ANKRD44: variants seen among roughly 807,000 people sequenced by gnomAD.
The protein encoded by ANKRD44 is ankyrin repeat domain 44, also known as serine/threonine-protein phosphatase 6 regulatory ankyrin repeat subunit B.
A neutral mutation model predicts 116.0 loss-of-function variants in ANKRD44; 35 were observed. The ratio of observed to expected loss-of-function variants is 0.30; its 90% CI spans 0.23 to 0.40. The LOEUF (loss-of-function observed/expected upper bound fraction) is 0.40. ANKRD44 is among the 10% of genes least tolerant of loss of function. The probability of loss-of-function intolerance (pLI) is 1.00; values close to 1 mark genes in which losing one functional copy is unlikely to be tolerated. For synonymous variants in ANKRD44, 435 were observed against 461.8 expected, an observed-to-expected ratio of 0.94 and a Z score of 0.74; for missense variants, 1,014 against 1,242.6, an observed-to-expected ratio of 0.82 and a Z score of 2.77.
At chr2:197,107,007 C>T (rs1325123817) in intron 9 of ANKRD44, among the ~76,000 whole-genome samples, 1 of 151,904 alleles carries the variant, frequency 6.6e-6, no homozygotes, top group Non-Finnish European at 1.5e-5. Context: ...ATCTCTTTAC[C>T]GTTTGTCATT....
At chr2:196,977,827 G>A (rs2075771156) in intron 21 of ANKRD44, among the ~76,000 whole-genome samples, 1 of 151,994 alleles carries the variant, frequency 6.6e-6, no homozygotes, top group Non-Finnish European at 1.5e-5. Context: ...TCCACTCCTA[G>A]ATATATACAC....
chr2:197,179,628 A>ATAGC (rs1400897260), intron 2 of ANKRD44, among the ~76,000 whole-genome samples: 8 of 152,256 alleles, frequency 5.3e-5, no homozygotes, highest in Non-Finnish European at 1.0e-4. Flanking sequence ...GCTCCAAAAC[A>ATAGC]TCCATCTCTA....
chr2:197,183,985 G>A (rs572384412), intron 2 of ANKRD44, among the ~76,000 whole-genome samples: 1 of 152,226 alleles, frequency 6.6e-6, no homozygotes, highest in African/African-American at 2.4e-5. Context: ...TTTCAAAACT[G>A]CATCACAGTG....
chr2:197,035,660 G>T (rs1282167832), intron 16 of ANKRD44, among the ~76,000 whole-genome samples: 1 of 152,154 alleles, frequency 6.6e-6, no homozygotes, highest in Non-Finnish European at 1.5e-5. Flanking sequence ...TGGTGCCTGT[G>T]TCACAAAGTC....
At chr2:197,007,111 C>T (rs893138290) in intron 20 of ANKRD44, among the ~76,000 whole-genome samples, 1 of 150,324 alleles carries the variant, frequency 6.7e-6, no homozygotes, top group African/African-American at 2.4e-5. Flanking sequence ...AAAAAAAAAA[C>T]CAAACACTTC....
chr2:197,106,901 C>T (rs2078445413), intron 9 of ANKRD44, among the ~76,000 whole-genome samples: 1 of 151,188 alleles, frequency 6.6e-6, no homozygotes, highest in Non-Finnish European at 1.5e-5. Flanking sequence ...ATATAAACAG[C>T]ACCTCTAGAT....
At chr2:197,270,012 G>A (rs955489262) in intron 1 of ANKRD44, among the ~76,000 whole-genome samples, 5 of 152,156 alleles carry the variant, frequency 3.3e-5, no homozygotes, top group African/African-American at 1.2e-4. Context: ...CCCACACACT[G>A]CAGGACATTT....
intron 15 of ANKRD44, among the ~76,000 whole-genome samples, chr2:197,080,108 A>G (rs1262760696): frequency 6.6e-6 from 1 of 152,224 alleles, no homozygotes; most frequent in Non-Finnish European, 1.5e-5. Context: ...TTTAAATGAA[A>G]TCACTCAATA....
chr2:197,223,601 G>A (rs1368992303), intron 1 of ANKRD44, among the ~76,000 whole-genome samples: 3 of 152,112 alleles, frequency 2.0e-5, no homozygotes, highest in African/African-American at 7.2e-5. Context: ...GTTATGATGA[G>A]CACTCTTGCA....
Position 197,088,766 on chromosome 2 carries a change from T to C in ANKRD44, c.1192A>G (p.Ile398Val), listed in dbSNP as rs1315194761. The C allele has an allele frequency of 6.2e-7, 1 of 1,613,236 alleles. No individual in the cohort carries two copies. Among genetic ancestry groups the C allele is most frequent in the Non-Finnish European group, 8.5e-7 (1 of 1,179,470 alleles). The change falls in exon 12 of 28, where the codon ATA becomes GTA. Residue 398 changes from isoleucine to valine, a missense_variant. Ile to Val is a conservative substitution (Grantham distance 29). Transcript: ENST00000282272. ...CRKLLSSGFE[I>V]DTPDKFGRTC... is the part of the protein sequence containing the mutation. ...CTTCCAAATTTATCTGGGGTGTCTA[T>C]TTCAAAGCCTGCAGACAGCACGTGC...
chr2:197,121,884 C>T (rs1228509296), intron 7 of ANKRD44, among the ~76,000 whole-genome samples: 1 of 152,110 alleles, frequency 6.6e-6, no homozygotes, highest in Admixed American at 6.6e-5. Flanking sequence ...AAAAGAGTCC[C>T]ACACTCTAGG....
Position 197,187,073 on chromosome 2 carries a change from G to C in ANKRD44, c.61C>G (p.Pro21Ala). The part of the protein sequence containing the change: ...PLVQAIFSGD[P>A]EEIRMLIHKT... ...TGGATGAGCATCCGGATCTCCTCTGGATCACCGCTGAAGATTGCCTGAACC... is the reference window on the plus strand; with the variant it reads ...TGGATGAGCATCCGGATCTCCTCTGCATCACCGCTGAAGATTGCCTGAACC... The change falls in exon 2 of 28, where the codon CCA (proline) becomes GCA (alanine). Residue 21 changes from proline (P) to alanine (A), a missense_variant. Transcript: ENST00000282272. 2 of 1,614,086 alleles carry C rather than the reference G, an allele frequency of 1.2e-6. No individual in the cohort carries two copies. The highest frequency in any genetic ancestry group is 1.7e-6 in the Non-Finnish European group (2 of 1,180,020).
chr2:197,126,154 G>T, intron 4 of ANKRD44, 117 bp from the exon 5 acceptor site: 4 of 965,338 alleles, frequency 4.1e-6, no homozygotes, highest in Non-Finnish European at 1.6e-6. Flanking sequence ...CAACCCTACA[G>T]GCTGGCTCCA....
chr2:197,075,722 C>A (rs1281124996), intron 16 of ANKRD44, among the ~76,000 whole-genome samples: 1 of 152,102 alleles, frequency 6.6e-6, no homozygotes, highest in Non-Finnish European at 1.5e-5. Flanking sequence ...ATAATAATTT[C>A]TGTTTATTTT....
intron 8 of ANKRD44, among the ~76,000 whole-genome samples, chr2:197,117,201 ATTTC>A (rs1163994493): frequency 2.0e-5 from 3 of 151,574 alleles, no homozygotes; most frequent in Non-Finnish European, 4.4e-5. Flanking sequence ...TCTTTGCCGG[ATTTC>A]TTTCTTCCTT....
chr2:197,277,482 T>C (rs2083125520), intron 1 of ANKRD44, among the ~76,000 whole-genome samples: 1 of 152,052 alleles, frequency 6.6e-6, no homozygotes, highest in Non-Finnish European at 1.5e-5. Flanking sequence ...AAGAGCCTCA[T>C]CTCTGGAGAC....
intron 1 of ANKRD44, among the ~76,000 whole-genome samples, chr2:197,231,858 T>C (rs1343586505): frequency 6.6e-6 from 1 of 152,106 alleles, no homozygotes; most frequent in African/African-American, 2.4e-5. Context: ...GCTTCACTTA[T>C]CACATGGTCA....
intron 6 of ANKRD44, among the ~76,000 whole-genome samples, chr2:197,123,534 G>A (rs980586213): frequency 1.3e-5 from 2 of 152,198 alleles, no homozygotes; most frequent in African/African-American, 4.8e-5. Context: ...AGGAGGCTGA[G>A]GCATGAGAAT....
intron 2 of ANKRD44, among the ~76,000 whole-genome samples, chr2:197,167,584 C>G (rs956601155): frequency 2.6e-5 from 4 of 152,172 alleles, no homozygotes; most frequent in African/African-American, 9.7e-5. Context: ...GTCAATGAAG[C>G]CCACCAGAAT....
Sources: allele counts gnomAD v4.1 joint callset (sites outside exome capture counted in the v4.1 genomes callset), GRCh38; gene constraint gnomAD v4.1.1; transcripts MANE v1.5; gene names NCBI Gene and HGNC (gene_info 2026-07-23, HGNC 2026-07-21).